The following UVRAG variants were observed in gnomAD, a reference collection of about 807,000 sequenced individuals.
The protein encoded by UVRAG is UV radiation resistance associated.
In UVRAG, 19 loss-of-function variants were observed where a neutral mutation model predicts 78.0. The ratio of observed to expected loss-of-function variants is 0.24; its 90% CI spans 0.17 to 0.36. UVRAG has a LOEUF of 0.36. Among genes scored for constraint, UVRAG ranks in the 10% least tolerant of loss-of-function variants. The pLI, the probability that UVRAG is intolerant of heterozygous loss-of-function variation, is 1.00. For synonymous variants in UVRAG, 323 were observed against 324.6 expected (o/e 1.00, Z 0.05); for missense variants, 740 against 853.8 (o/e 0.87, Z 1.66).
intron 2 of UVRAG, among the ~76,000 whole-genome samples, chr11:75,853,804 G>A (rs1417408551): frequency 2.6e-5 from 4 of 151,442 alleles, no homozygotes; most frequent in East Asian, 1.9e-4. Flanking sequence ...GCAGAGTCTC[G>A]CTCCGTTGCC....
rs189934020 is a variant in UVRAG at position 75,872,291 on chromosome 11, G to A, written c.271-7588G>A. ...GAACATTAATGATTATATTATATTC[G>A]AACTTCAGGGGCTGCCTGGGACATA... On this transcript the variant is annotated intron_variant, in intron 3 of 14. Coordinates refer to ENST00000356136, the MANE Select transcript of UVRAG (RefSeq NM_003369.4). 1.5e-3 allele frequency among the ~76,000 whole-genome samples: 231 copies of A among 151,806 alleles called. 1 individual carries two copies. Among genetic ancestry groups the A allele is most frequent in the African/African-American group, 5.2e-3 (217 of 41,374 alleles).
intron 3 of UVRAG, 69 bp from the exon 4 acceptor site, chr11:75,879,810 T>A: frequency 1.3e-6 from 2 of 1,551,398 alleles, no homozygotes; most frequent in Non-Finnish European, 1.7e-6. Flanking sequence ...CAAAATGATT[T>A]GTCACCTAAT....
At chr11:76,042,769 A>G (rs1253471031) in intron 12 of UVRAG, among the ~76,000 whole-genome samples, 1 of 152,218 alleles carries the variant, frequency 6.6e-6, no homozygotes, top group Admixed American at 6.5e-5. Context: ...GCCCTTACCT[A>G]TCTGTATGTT....
chr11:75,848,351 A>G (rs1946080643), intron 1 of UVRAG, among the ~76,000 whole-genome samples: 1 of 152,254 alleles, frequency 6.6e-6, no homozygotes, highest in Non-Finnish European at 1.5e-5. Flanking sequence ...GCCCACAGTC[A>G]GTGCTTTAAT....
intron 1 of UVRAG, among the ~76,000 whole-genome samples, chr11:75,823,762 C>T (rs1055241093): frequency 2.0e-5 from 3 of 152,184 alleles, no homozygotes; most frequent in Non-Finnish European, 4.4e-5. Context: ...TTGGGACCAT[C>T]AGGCTTTATA....
chr11:76,033,934 C>T (rs2068915075), intron 12 of UVRAG, among the ~76,000 whole-genome samples: 1 of 152,128 alleles, frequency 6.6e-6, no homozygotes, highest in Admixed American at 6.6e-5. Context: ...TTTAACAATA[C>T]AGTTAAATCT....
At chr11:75,889,163 A>G (rs1236790662) in intron 5 of UVRAG, among the ~76,000 whole-genome samples, 1 of 152,198 alleles carries the variant, frequency 6.6e-6, no homozygotes, top group Non-Finnish European at 1.5e-5. Flanking sequence ...CTCTTATTCT[A>G]CATAACTCTT....
At chr11:75,901,518 C>T (rs754939311) in intron 5 of UVRAG, among the ~76,000 whole-genome samples, 1 of 152,110 alleles carries the variant, frequency 6.6e-6, no homozygotes, top group Admixed American at 6.6e-5. Context: ...AGTTCCCTTC[C>T]CCTCTCACAA....
chr11:75,840,892 A>G (rs771321828), intron 1 of UVRAG, among the ~76,000 whole-genome samples: 13 of 152,190 alleles, frequency 8.5e-5, no homozygotes, highest in Non-Finnish European at 1.8e-4. Flanking sequence ...TGAGAGTGCT[A>G]TAATATAGAG....
In UVRAG at chr11:76,142,021, A is replaced by G. The variant is rs922273021; in HGVS notation, c.*608A>G. Reference sequence around the variant, plus strand: ...CGTGGATGGGCCATGCGTCCTGAAAACAGGACATCAGATTCACTGGTTCTG... The same window carrying G: ...CGTGGATGGGCCATGCGTCCTGAAAGCAGGACATCAGATTCACTGGTTCTG... On this transcript the variant is annotated 3_prime_UTR_variant, in exon 15 of 15. Coordinates refer to ENST00000356136, the MANE Select transcript of UVRAG (RefSeq NM_003369.4). 6.6e-6 allele frequency: 1 copy of G among 152,496 alleles called. No individual in the cohort carries two copies. The highest frequency in any genetic ancestry group is 1.5e-5 in the Non-Finnish European group (1 of 68,418). 9.4% of individuals were successfully genotyped at this position (152,496 alleles called of 1,614,324 possible).
intron 6 of UVRAG, among the ~76,000 whole-genome samples, chr11:75,917,409 C>G (rs1263220234): frequency 6.6e-6 from 1 of 152,228 alleles, no homozygotes; most frequent in Non-Finnish European, 1.5e-5. Context: ...GTCCTTCTAT[C>G]TTACCAATAC....
At position 76,115,882 on chromosome 11, in the gene UVRAG, A is replaced by G. The variant is rs74525798; in HGVS notation, c.1306-42A>G. 1.5e-3 allele frequency: 2,386 copies of G among 1,592,674 alleles called. 56 individuals carry two copies. The East Asian group carries it at 0.048, about 32-fold the overall frequency. ...GTGGTTCATTTTTCCGAAGCTTATAATCTGCCAAAATATCTTTAATTCTAT... is the reference window on the plus strand; with the variant it reads ...GTGGTTCATTTTTCCGAAGCTTATAGTCTGCCAAAATATCTTTAATTCTAT... On this transcript the variant is annotated intron_variant, in intron 13 of 14. Transcript: ENST00000356136.
intron 2 of UVRAG, among the ~76,000 whole-genome samples, chr11:75,853,042 C>T (rs528015820): frequency 6.6e-6 from 1 of 152,192 alleles, no homozygotes; most frequent in South Asian, 2.1e-4. Flanking sequence ...TCCCAAGTAG[C>T]TGGGACTACA....
intron 1 of UVRAG, among the ~76,000 whole-genome samples, chr11:75,844,699 G>C (rs532244031): frequency 1.3e-5 from 2 of 151,054 alleles, no homozygotes; most frequent in East Asian, 3.9e-4. Flanking sequence ...TTGAGACAAG[G>C]CCTCACTGTG....
chr11:75,973,425 C>T (rs1949166234), intron 7 of UVRAG, among the ~76,000 whole-genome samples: 1 of 152,122 alleles, frequency 6.6e-6, no homozygotes, highest in Non-Finnish European at 1.5e-5. Flanking sequence ...TATTCTTATA[C>T]ATTGTTGGAT....
At chr11:75,900,257 A>G (rs1330998664) in intron 5 of UVRAG, among the ~76,000 whole-genome samples, 1 of 152,182 alleles carries the variant, frequency 6.6e-6, no homozygotes, top group Non-Finnish European at 1.5e-5. Context: ...AATATTTTGA[A>G]AACTTGTTTT....
intron 12 of UVRAG, among the ~76,000 whole-genome samples, chr11:76,046,853 C>T (rs1319694382): frequency 3.3e-5 from 5 of 152,040 alleles, no homozygotes; most frequent in Non-Finnish European, 4.4e-5. Context: ...GCTTGGAGGT[C>T]TAGGAATGGA....
At chr11:75,984,021 A>G (rs777551236) in intron 8 of UVRAG, among the ~76,000 whole-genome samples, 2 of 152,180 alleles carry the variant, frequency 1.3e-5, no homozygotes, top group Admixed American at 1.3e-4. Context: ...TCTGTATTCA[A>G]ATCGTCCCGG....
At chr11:75,899,553 CAGATCCATG>C (rs552209179) in intron 5 of UVRAG, among the ~76,000 whole-genome samples, 8 of 152,078 alleles carry the variant, frequency 5.3e-5, no homozygotes, top group Non-Finnish European at 1.0e-4. Context: ...TGGTGAATAG[CAGATCCATG>C]ATTCGAGCCC....
Sources: gnomAD v4.1 joint callset for allele counts (sites outside exome capture counted in the v4.1 genomes callset) on GRCh38, gnomAD v4.1.1 for gene constraint, MANE v1.5 for transcripts, NCBI Gene and HGNC (gene_info 2026-07-23, HGNC 2026-07-21) for gene names.